Variants in PRKCE observed in about 807,000 individuals in gnomAD.
PRKCE encodes protein kinase C epsilon type.
Under a neutral mutation model 85.4 loss-of-function variants are expected in PRKCE, and 16 were observed. The observed-to-expected ratio is 0.19, with a 90% CI of 0.13 to 0.28. The LOEUF (loss-of-function observed/expected upper bound fraction) is 0.28. Among genes scored for constraint, PRKCE ranks in the 10% least tolerant of loss-of-function variants. PRKCE has a pLI of 1.00. For synonymous variants in PRKCE, 388 were observed against 371.5 expected, an observed-to-expected ratio of 1.04 and a Z score of -0.51; for missense variants, 573 against 975.2, an observed-to-expected ratio of 0.59 and a Z score of 5.49.
chr2:46,035,301 C>T (rs1707790284), intron 10 of PRKCE, among the ~76,000 whole-genome samples: 1 of 152,270 alleles, frequency 6.6e-6, no homozygotes, highest in South Asian at 2.1e-4. Flanking sequence ...AGAGCCTTCT[C>T]TGTAGCCTGA....
intron 2 of PRKCE, among the ~76,000 whole-genome samples, chr2:45,929,427 C>T (rs994716154): frequency 1.3e-5 from 2 of 152,034 alleles, no homozygotes; most frequent in African/African-American, 4.8e-5. Context: ...GTGTTTAATT[C>T]CCATTTATCC....
intron 2 of PRKCE, among the ~76,000 whole-genome samples, chr2:45,861,294 G>C (rs1017355668): frequency 6.6e-6 from 1 of 152,148 alleles, no homozygotes; most frequent in African/African-American, 2.4e-5. Context: ...TGCTGAAAAA[G>C]TGCATGGTGA....
At chr2:45,798,416 A>G (rs1253458537) in intron 1 of PRKCE, among the ~76,000 whole-genome samples, 4 of 152,174 alleles carry the variant, frequency 2.6e-5, no homozygotes, top group African/African-American at 9.7e-5. Context: ...TTTGCCTCAC[A>G]TACATGCCTG....
intron 1 of PRKCE, among the ~76,000 whole-genome samples, chr2:45,749,533 G>C (rs11675237): frequency 0.12 from 18,798 of 152,196 alleles, 2,079 homozygotes; most frequent in African/African-American, 0.3. Flanking sequence ...GGCTTCACCA[G>C]CCTCAAAGAG....
chr2:45,707,928 T>G (rs1679254969), intron 1 of PRKCE, among the ~76,000 whole-genome samples: 1 of 152,226 alleles, frequency 6.6e-6, no homozygotes, highest in African/African-American at 2.4e-5. Context: ...CCAGCCTTCC[T>G]GCAGCATGAC....
chr2:45,916,215 T>C (rs942322011), intron 2 of PRKCE, among the ~76,000 whole-genome samples: 1 of 152,120 alleles, frequency 6.6e-6, no homozygotes, highest in Non-Finnish European at 1.5e-5. Flanking sequence ...CTAGTTCTTC[T>C]ATATTCTTCT....
chr2:46,183,233 A>G (rs1477730453), intron 14 of PRKCE, among the ~76,000 whole-genome samples: 1 of 152,266 alleles, frequency 6.6e-6, no homozygotes, highest in Non-Finnish European at 1.5e-5. Context: ...AAAGCAAACT[A>G]GATTTCCTCA....
intron 2 of PRKCE, among the ~76,000 whole-genome samples, chr2:45,967,737 G>T (rs1012056395): frequency 6.6e-6 from 1 of 151,982 alleles, no homozygotes; most frequent in African/African-American, 2.4e-5. Context: ...ACATGGGTCT[G>T]TGCTGCTCCT....
At chr2:45,758,369 G>C (rs1684180098) in intron 1 of PRKCE, among the ~76,000 whole-genome samples, 1 of 152,142 alleles carries the variant, frequency 6.6e-6, no homozygotes, top group African/African-American at 2.4e-5. Context: ...ATCTACTCTT[G>C]GGGAGAATCT....
chr2:45,986,323 T>C (rs939678735), intron 6 of PRKCE, among the ~76,000 whole-genome samples: 1 of 152,158 alleles, frequency 6.6e-6, no homozygotes. Flanking sequence ...GGAGATGTTT[T>C]TTCAGAATGT....
intron 14 of PRKCE, among the ~76,000 whole-genome samples, chr2:46,161,779 C>A (rs1352013367): frequency 1.3e-5 from 2 of 152,074 alleles, no homozygotes; most frequent in East Asian, 3.9e-4. Flanking sequence ...AATCGTCTCT[C>A]CCTGAGGTAT....
intron 11 of PRKCE, among the ~76,000 whole-genome samples, chr2:46,114,842 G>A (rs1424063588): frequency 6.6e-6 from 1 of 152,140 alleles, no homozygotes; most frequent in Admixed American, 6.5e-5. Flanking sequence ...TGTGTGTGTG[G>A]TTGAATAGAG....
chr2:45,900,428 T>C (rs1307340057), intron 2 of PRKCE, among the ~76,000 whole-genome samples: 1 of 152,250 alleles, frequency 6.6e-6, no homozygotes. Context: ...GGAATATTAT[T>C]CACCCCCAAA....
At chr2:46,056,448 A>G (rs1666589203) in intron 10 of PRKCE, among the ~76,000 whole-genome samples, 1 of 152,194 alleles carries the variant, frequency 6.6e-6, no homozygotes, top group Admixed American at 6.5e-5. Flanking sequence ...GGGCTTTCCA[A>G]TAAGCTGTTC....
At chr2:46,156,704 G>C (rs980298957) in intron 13 of PRKCE, among the ~76,000 whole-genome samples, 1 of 152,194 alleles carries the variant, frequency 6.6e-6, no homozygotes, top group African/African-American at 2.4e-5. Context: ...GGACTCTGTT[G>C]TCCAACTTTT....
chr2:45,666,956 T>G (rs1675940141), intron 1 of PRKCE, among the ~76,000 whole-genome samples: 1 of 152,144 alleles, frequency 6.6e-6, no homozygotes, highest in Non-Finnish European at 1.5e-5. Flanking sequence ...TCCTCTTGCC[T>G]CAGCCTCCCA....
chr2:46,167,920 A>G (rs1455827592), intron 14 of PRKCE: 1 of 152,248 alleles, frequency 6.6e-6, no homozygotes, highest in Non-Finnish European at 1.5e-5. Context: ...CCAGCACAGC[A>G]GGCTCCCAAA....
At chr2:45,848,936 AG>A (rs1325926779) in intron 2 of PRKCE, among the ~76,000 whole-genome samples, 1 of 152,182 alleles carries the variant, frequency 6.6e-6, no homozygotes, top group African/African-American at 2.4e-5. Context: ...CTGGATTGGC[AG>A]GGAAGAAGTG....
chr2:46,122,605 T>C lies in PRKCE; in HGVS notation c.1593-22488T>C, dbSNP rs193222539. Among the ~76,000 whole-genome samples the C allele has an allele frequency of 1.8e-3, 280 of 152,332 alleles. 1 individual carries two copies. Among genetic ancestry groups the C allele is most frequent in the African/African-American group, 6.3e-3 (260 of 41,570 alleles). On this transcript the variant is annotated intron_variant, in intron 11 of 14. Transcript: ENST00000306156. ...CTCACTGGGCGAGGTTACATCCCTCTGACCTTACCCAGGTTTGGGTTGATA... is the reference window on the plus strand; with the variant it reads ...CTCACTGGGCGAGGTTACATCCCTCCGACCTTACCCAGGTTTGGGTTGATA...
Sources: gnomAD v4.1 joint callset for allele counts (sites outside exome capture counted in the v4.1 genomes callset) on GRCh38, gnomAD v4.1.1 for gene constraint, MANE v1.5 for transcripts, NCBI Gene and HGNC (gene_info 2026-07-23, HGNC 2026-07-21) for gene names.